Variants in GABRB3 observed in about 807,000 individuals in gnomAD.
The protein encoded by GABRB3 is gamma-aminobutyric acid receptor subunit beta-3.
GABRB3 carries 14 observed loss-of-function variants against 52.1 expected under a neutral mutation model. The observed-to-expected ratio is 0.27, with a 90% confidence interval of 0.18 to 0.42. The LOEUF is 0.42. GABRB3 is among the 10% of genes least tolerant of loss of function. The probability of loss-of-function intolerance (pLI) is 1.00; values close to 1 mark genes in which losing one functional copy is unlikely to be tolerated. For missense variants in GABRB3, 307 were observed against 609.1 expected (o/e 0.50, Z 5.22); for synonymous variants, 260 against 232.3 (o/e 1.12, Z -1.08).
intron 3 of GABRB3, among the ~76,000 whole-genome samples, chr15:26,763,284 G>T (rs762293389): frequency 6.6e-6 from 1 of 152,130 alleles, no homozygotes; most frequent in African/African-American, 2.4e-5. Context: ...CAAGTTCACA[G>T]GGATCTTCAT....
At chr15:26,639,940 A>G (rs773748215) in intron 3 of GABRB3, among the ~76,000 whole-genome samples, 8 of 152,196 alleles carry the variant, frequency 5.3e-5, no homozygotes, top group Non-Finnish European at 1.0e-4. Flanking sequence ...TGCCAACAAG[A>G]GTTGTGAATG....
chr15:26,605,352 G>A (rs1384513173), intron 4 of GABRB3, among the ~76,000 whole-genome samples: 1 of 152,156 alleles, frequency 6.6e-6, no homozygotes, highest in Non-Finnish European at 1.5e-5. Context: ...GAAAAATTTG[G>A]AGGTGCCTCA....
chr15:26,582,120 A>G (rs1890812141), intron 5 of GABRB3, among the ~76,000 whole-genome samples: 2 of 152,316 alleles, frequency 1.3e-5, no homozygotes, highest in Middle Eastern at 3.4e-3. Context: ...TTAAACCATG[A>G]TTCTCTGCAG....
chr15:26,738,246 C>A (rs1206480872), intron 3 of GABRB3, among the ~76,000 whole-genome samples: 2 of 152,024 alleles, frequency 1.3e-5, no homozygotes. Context: ...CCATGCCTGG[C>A]TAATATTTGT....
At chr15:26,690,647 T>G (rs1197620349) in intron 3 of GABRB3, among the ~76,000 whole-genome samples, 1 of 151,876 alleles carries the variant, frequency 6.6e-6, no homozygotes, top group African/African-American at 2.4e-5. Flanking sequence ...CATTTGCTCA[T>G]CCTGTCCCAG....
At position 26,546,831 on chromosome 15, in the gene GABRB3, T is replaced by A. The variant is rs778572183; in HGVS notation, c.*962A>T. ...AATGTTATAAGAATGATAACATAACTGCAAGGGGGAAAATCATCCTAGATG... is the reference window on the plus strand; with the variant it reads ...AATGTTATAAGAATGATAACATAACAGCAAGGGGGAAAATCATCCTAGATG... On this transcript the variant is annotated 3_prime_UTR_variant, in exon 9 of 9. Coordinates refer to ENST00000311550, the MANE Select transcript of GABRB3 (RefSeq NM_000814.6). 6.6e-6 allele frequency: 1 copy of A among 151,870 alleles called. No homozygotes were observed. Among genetic ancestry groups the A allele is most frequent in the African/African-American group, 2.4e-5 (1 of 41,320 alleles). 9.4% of individuals were successfully genotyped at this position (151,870 alleles called of 1,614,324 possible).
chr15:26,736,330 C>T (rs1429136827), intron 3 of GABRB3, among the ~76,000 whole-genome samples: 1 of 152,148 alleles, frequency 6.6e-6, no homozygotes, highest in African/African-American at 2.4e-5. Context: ...GTTACTTTCC[C>T]ATTAGTATAA....
At chr15:26,606,776 AGATAGATATATCTATAGATAGATATATC>A (rs1269457723) in intron 4 of GABRB3, among the ~76,000 whole-genome samples, 1 of 118,304 alleles carries the variant, frequency 8.5e-6, no homozygotes, top group Non-Finnish European at 1.8e-5. Flanking sequence ...ATCTATAGAT[AGATAGATATATCTATAGATAGATATATC>A]TATAGATAGA....
At chr15:26,764,149 CAAAAAAAAAAAAAAAAAAAA>C (rs1165542034) in intron 3 of GABRB3, among the ~76,000 whole-genome samples, 76 of 18,136 alleles carry the variant, frequency 4.2e-3, no homozygotes, top group Middle Eastern at 0.05. Context: ...GACTCGGTCT[CAAAAAAAAAAAAAAAAAAAA>C]AAAAAAAAAA....
intron 3 of GABRB3, among the ~76,000 whole-genome samples, chr15:26,732,778 C>T (rs1051517468): frequency 1.4e-4 from 22 of 152,214 alleles, no homozygotes; most frequent in African/African-American, 5.3e-4. Context: ...ATCGCGAGGT[C>T]AGGAGATCAA....
chr15:26,584,204 A>T (rs1295809722), intron 4 of GABRB3, among the ~76,000 whole-genome samples: 1 of 152,134 alleles, frequency 6.6e-6, no homozygotes, highest in Non-Finnish European at 1.5e-5. Flanking sequence ...ACTAGGTCTT[A>T]TTGACTTTGG....
At chr15:26,572,389 G>A (rs1244734017) in intron 6 of GABRB3, among the ~76,000 whole-genome samples, 1 of 152,200 alleles carries the variant, frequency 6.6e-6, no homozygotes, top group Non-Finnish European at 1.5e-5. Flanking sequence ...CCTTCAGGCA[G>A]GGATGAAGGA....
chr15:26,613,662 C>G (rs1216029899), intron 4 of GABRB3: 1 of 152,036 alleles, frequency 6.6e-6, no homozygotes, highest in African/African-American at 2.4e-5. Context: ...AGACAGAAAC[C>G]ATTCTTTTCT....
At chr15:26,705,875 T>C (rs929934974) in intron 3 of GABRB3, among the ~76,000 whole-genome samples, 13 of 151,952 alleles carry the variant, frequency 8.6e-5, no homozygotes, top group African/African-American at 2.7e-4. Flanking sequence ...ATGGGAACAA[T>C]AGATACCAGA....
At chr15:26,549,899 C>T (rs1889394646) in intron 8 of GABRB3, among the ~76,000 whole-genome samples, 3 of 152,176 alleles carry the variant, frequency 2.0e-5, no homozygotes, top group Admixed American at 2.0e-4. Context: ...TGCCAGTTGA[C>T]TTGCAATAAA....
At chr15:26,660,578 T>C (rs1887511010) in intron 3 of GABRB3, among the ~76,000 whole-genome samples, 1 of 152,196 alleles carries the variant, frequency 6.6e-6, no homozygotes, top group African/African-American at 2.4e-5. Context: ...GGCCTGTTTA[T>C]CATACAGAGA....
At chr15:26,642,944 T>A (rs950034927) in intron 3 of GABRB3, among the ~76,000 whole-genome samples, 1 of 152,086 alleles carries the variant, frequency 6.6e-6, no homozygotes, top group African/African-American at 2.4e-5. Context: ...TCTGTCTCAG[T>A]CCCTCGGGGC....
intron 4 of GABRB3, among the ~76,000 whole-genome samples, chr15:26,609,705 C>T (rs1199023817): frequency 6.6e-6 from 1 of 152,048 alleles, no homozygotes; most frequent in African/African-American, 2.4e-5. Context: ...TTTTTAAGTT[C>T]TATTGAAGAG....
At chr15:26,743,192 C>T (rs1051392284) in intron 3 of GABRB3, among the ~76,000 whole-genome samples, 2 of 151,990 alleles carry the variant, frequency 1.3e-5, no homozygotes, top group African/African-American at 2.4e-5. Context: ...CCTCCCAAAG[C>T]GCTGGGATTA....
Sources: allele counts gnomAD v4.1 joint callset (sites outside exome capture counted in the v4.1 genomes callset), GRCh38; gene constraint gnomAD v4.1.1; transcripts MANE v1.5; gene names NCBI Gene and HGNC (gene_info 2026-07-23, HGNC 2026-07-21).